Variants in HMCN2 observed in about 807,000 individuals in gnomAD.
HMCN2 encodes the protein hemicentin 2.
Under a neutral mutation model 377.5 loss-of-function variants are expected in HMCN2, and 325 were observed. That is an observed-to-expected ratio of 0.86 (90% CI 0.79 to 0.94). The LOEUF (loss-of-function observed/expected upper bound fraction) is 0.94. Among genes scored for constraint, HMCN2 ranks in the 40% least tolerant of loss-of-function variants. The pLI, the probability that HMCN2 is intolerant of heterozygous loss-of-function variation, is 0.00. For synonymous variants in HMCN2, 2,007 were observed against 2,046.8 expected, an observed-to-expected ratio of 0.98 and a Z score of 0.53; for missense variants, 4,543 against 4,725.3, an observed-to-expected ratio of 0.96 and a Z score of 1.13.
At position 130,410,817 on chromosome 9, in the gene HMCN2, G is replaced by A. The variant is rs141991384; in HGVS notation, c.12961+165G>A. Among the ~76,000 whole-genome samples the A allele has an allele frequency of 3.2e-4, 49 of 152,234 alleles. No individual in the cohort carries two copies. The East Asian group carries it at 8.7e-3, about 27-fold the overall frequency. On this transcript the variant is annotated intron_variant, in intron 85 of 97. Transcript: ENST00000683500. ...CTACCAAATGTTTCCCAAATGTGGG[G>A]TGACTGAGACTCAGGACTGAGCTAA...
intron 43 of HMCN2, among the ~76,000 whole-genome samples, chr9:130,366,789 C>T (rs1235254500): frequency 1.3e-5 from 2 of 152,134 alleles, no homozygotes; most frequent in East Asian, 1.9e-4. Flanking sequence ...TGTACCAGGC[C>T]CTGTTCTAGG....
intron 4 of HMCN2, among the ~76,000 whole-genome samples, chr9:130,293,887 G>C (rs1835952471): frequency 1.3e-5 from 2 of 152,214 alleles, no homozygotes; most frequent in Admixed American, 1.3e-4. Context: ...GGATTAGAGA[G>C]GGCTCTTCAA....
rs1436352176 is a variant in HMCN2, at chr9:130,359,311, C to A, written c.5678-8C>A. ...TACCAAGCTGGGTCTCTCCTTGTCT[C>A]CCCCTAGTGCCCCCCAACATCGAGC... On this transcript the variant is annotated splice_polypyrimidine_tract_variant and splice_region_variant and intron_variant, in intron 36 of 97. Coordinates refer to ENST00000683500, the MANE Select transcript of HMCN2 (RefSeq NM_001291815.2). The A allele has an allele frequency of 3.1e-6, 4 of 1,297,870 alleles. No individual in the cohort carries two copies. Among genetic ancestry groups the A allele is most frequent in the African/African-American group, 1.5e-5 (1 of 65,702 alleles). The allele number at this position is 1,297,870 out of a possible 1,614,324, so 80.4% of individuals were successfully genotyped here. A position where few individuals can be genotyped will look rare whatever the true frequency, so the allele number is the denominator to read the frequency against.
chr9:130,410,471 G>A (rs1251740450), intron 84 of HMCN2, 100 bp from the exon 85 acceptor site: 2 of 1,070,784 alleles, frequency 1.9e-6, no homozygotes, highest in East Asian at 2.6e-5. Flanking sequence ...CACAGCCTAA[G>A]CCCCTTGCTG....
At chr9:130,385,279 C>T (rs1841961156) in intron 59 of HMCN2, among the ~76,000 whole-genome samples, 1 of 152,118 alleles carries the variant, frequency 6.6e-6, no homozygotes, top group Admixed American at 6.5e-5. Flanking sequence ...CCAGCTGGGG[C>T]CTGCCCCTGT....
In HMCN2 at chr9:130,372,292, A is replaced by G; in HGVS notation, c.7238-2A>G. 1 of 983,380 alleles carries G rather than the reference A, an allele frequency of 1.0e-6. No individual in the cohort carries two copies. 60.9% of individuals were successfully genotyped at this position (983,380 alleles called of 1,614,324 possible). A position where few individuals can be genotyped will look rare whatever the true frequency, so the allele number is the denominator to read the frequency against. ...TTGGGGCCCACGCCCCTCCCTCCCC[A>G]GGTGGCTGGATGCTGAAGATGACTC... On this transcript the variant is annotated splice_acceptor_variant, in intron 46 of 97. Coordinates refer to ENST00000683500, the MANE Select transcript of HMCN2 (RefSeq NM_001291815.2). LOFTEE classifies it high-confidence loss of function.
At chr9:130,372,988 G>GCA (rs1841112485) in intron 47 of HMCN2, 50 bp from the exon 48 acceptor site, 1 of 124,062 alleles carries the variant, frequency 8.1e-6, no homozygotes, top group Admixed American at 9.0e-5. Flanking sequence ...GGGCGGGCCA[G>GCA]CCCCCCCCCC....
At chr9:130,426,147 T>TG (rs1299167304) in intron 90 of HMCN2, among the ~76,000 whole-genome samples, 1 of 152,112 alleles carries the variant, frequency 6.6e-6, no homozygotes, top group Non-Finnish European at 1.5e-5. Context: ...AAGCCACCCT[T>TG]GTTCCAACCT....
chr9:130,384,975 C>T (rs1456086721), intron 59 of HMCN2, among the ~76,000 whole-genome samples, 177 bp downstream of exon 59: 9 of 152,264 alleles, frequency 5.9e-5, no homozygotes, highest in African/African-American at 1.7e-4. Flanking sequence ...AGGAGCCTGG[C>T]TGGGGAAGGG....
At chr9:130,269,731 T>G (rs1341187884) in intron 1 of HMCN2, among the ~76,000 whole-genome samples, 1 of 148,746 alleles carries the variant, frequency 6.7e-6, no homozygotes, top group Admixed American at 6.7e-5. Flanking sequence ...AATTTTTTCA[T>G]GGGAGTTTTA....
chr9:130,417,206 C>T (rs1284404922), intron 85 of HMCN2, among the ~76,000 whole-genome samples: 1 of 152,076 alleles, frequency 6.6e-6, no homozygotes, highest in Non-Finnish European at 1.5e-5. Flanking sequence ...AACCACCATA[C>T]CCAGCTGCAA....
chr9:130,340,930 G>A (rs1310633537), intron 23 of HMCN2, among the ~76,000 whole-genome samples, 181 bp from the exon 24 acceptor site: 2 of 152,214 alleles, frequency 1.3e-5, no homozygotes, highest in Admixed American at 6.5e-5. Flanking sequence ...GTGAAAGACC[G>A]GAGCTCACTC....
chr9:130,367,216 T>C (rs1294219887), intron 43 of HMCN2, among the ~76,000 whole-genome samples: 2 of 151,870 alleles, frequency 1.3e-5, no homozygotes, highest in Admixed American at 6.6e-5. Context: ...ACCTAGCGTT[T>C]GGGGTGAATT....
At chr9:130,295,507 C>T (rs191274849) in intron 5 of HMCN2, among the ~76,000 whole-genome samples, 159 bp from the exon 6 acceptor site, 7 of 152,102 alleles carry the variant, frequency 4.6e-5, no homozygotes, top group South Asian at 4.2e-4. Context: ...GAGGGTGGAG[C>T]GTGGAGTGAG....
At chr9:130,315,758 G>T (rs1837532997) in intron 15 of HMCN2, among the ~76,000 whole-genome samples, 1 of 152,158 alleles carries the variant, frequency 6.6e-6, no homozygotes, top group Non-Finnish European at 1.5e-5. Context: ...TTCTGCCAGG[G>T]TTCTCTTCCT....
chr9:130,393,828 G>A lies in HMCN2; in HGVS notation c.10321G>A (p.Gly3441Ser), dbSNP rs773711210. The change falls in exon 68 of 98, where the codon GGC becomes AGC. Residue 3441 changes from glycine (G) to serine (S), a missense_variant. Transcript: ENST00000683500. The surrounding 1 kb of genome is among the most constrained non-coding windows in gnomAD (Gnocchi z 5.2). ...GGTGGAACTCCCGTGCGAGGCCCGG[G>A]GCGTTCCCCTGCCTCTCGTGTCGTG... Reference protein sequence around the residue: ...SLVELPCEARGVPLPLVSWMK... With the variant: ...SLVELPCEARSVPLPLVSWMK... 6 of 1,289,208 alleles carry A rather than the reference G, an allele frequency of 4.7e-6. No individual in the cohort carries two copies. Among genetic ancestry groups the A allele is most frequent in the Non-Finnish European group, 6.1e-6 (6 of 988,660 alleles). 79.9% of individuals were successfully genotyped at this position (1,289,208 alleles called of 1,614,324 possible). A position where few individuals can be genotyped will look rare whatever the true frequency, so the allele number is the denominator to read the frequency against.
chr9:130,285,191 G>T lies in HMCN2; in HGVS notation c.364G>T (p.Ala122Ser), dbSNP rs574095820. The change falls in exon 3 of 98, where the codon GCC becomes TCC. Residue 122 changes from alanine (A) to serine (S), a missense_variant. Ala to Ser is a moderately conservative substitution (Grantham distance 99, BLOSUM62 1). Coordinates refer to ENST00000683500, the MANE Select transcript of HMCN2 (RefSeq NM_001291815.2). ...GGDCPEMSVG[A>S]IKAAVEVANP... ...TGACTGCCCGGAGATGAGTGTGGGG[G>T]CCATTAAGGCTGCCGTGGAGGTTGC... The T allele has an allele frequency of 6.4e-5, 30 of 471,136 alleles. No homozygotes were observed. The highest frequency in any genetic ancestry group is 6.1e-4 in the Admixed American group (26 of 42,580). 29.2% of individuals were successfully genotyped at this position (471,136 alleles called of 1,614,324 possible).
Position 130,371,129 on chromosome 9 carries a change from C to G in HMCN2, c.7235C>G (p.Ala2412Gly). The G allele has an allele frequency of 1.0e-6, 1 of 985,828 alleles. No individual in the cohort carries two copies. The highest frequency in any genetic ancestry group is 1.2e-6 in the Non-Finnish European group (1 of 829,948). 61.1% of individuals were successfully genotyped at this position (985,828 alleles called of 1,614,324 possible). The part of the protein sequence containing the change: ...VSPGEDTYLL[A>G]GGWMLKMTQT... ...CCCGGGGAGGACACCTACCTGCTGG[C>G]AGGTAAGATACCAGCTAAGGTTGGA... The change falls in exon 46 of 98, where the codon GCA becomes GGA. Residue 2412 changes from alanine (A) to glycine (G), a missense_variant and splice_region_variant. Physicochemically the swap from Ala to Gly is moderately conservative, Grantham distance 60 (BLOSUM62 0). Coordinates refer to ENST00000683500, the MANE Select transcript of HMCN2 (RefSeq NM_001291815.2).
chr9:130,424,805 A>G lies in HMCN2; in HGVS notation c.13411A>G (p.Ile4471Val), dbSNP rs1280292876. Residue 4471 changes from isoleucine (I) to valine (V), a missense_variant, in exon 88 of 98, where the codon ATC (isoleucine) becomes GTC (valine). Ile to Val is a conservative substitution (Grantham distance 29, BLOSUM62 3). Around this residue, in one of 5 missense-constraint regions of HMCN2, gnomAD observed 1,155 missense variants for 1,157.7 expected, o/e 1.00. Transcript: ENST00000683500. ...TCTGATGCGGGTGCTCGTGGTCACC[A>G]TCGCCCCCATCTACTGGGCCCTGGC... ...GPLMRVLVVTIAPIYWALARE... is the reference protein window; with the variant it reads ...GPLMRVLVVTVAPIYWALARE... The G allele has an allele frequency of 6.5e-7, 1 of 1,538,944 alleles. No homozygotes were observed. Among genetic ancestry groups the G allele is most frequent in the African/African-American group, 1.4e-5 (1 of 72,826 alleles).
Sources: allele counts gnomAD v4.1 joint callset (sites outside exome capture counted in the v4.1 genomes callset), GRCh38; gene constraint gnomAD v4.1.1; regional missense constraint gnomAD v4.1.1; non-coding constraint Gnocchi (gnomAD v3.1); transcripts MANE v1.5; gene names NCBI Gene and HGNC (gene_info 2026-07-23, HGNC 2026-07-21).